The following RBFOX1 variants were observed in gnomAD, a reference collection of about 807,000 sequenced individuals.
RBFOX1 encodes RNA binding protein fox-1 homolog 1.
Under a neutral mutation model 57.7 loss-of-function variants are expected in RBFOX1, and 8 were observed. The observed-to-expected ratio is 0.14, with a 90% CI of 0.08 to 0.25. The LOEUF is 0.25. RBFOX1 is among the 10% of genes least tolerant of loss of function. The pLI, the probability that RBFOX1 is intolerant of heterozygous loss-of-function variation, is 1.00. For missense variants in RBFOX1, 611 were observed against 548.5 expected (o/e 1.11, Z -1.14); for synonymous variants, 326 against 222.4 (o/e 1.47, Z -4.15).
At chr16:6,698,686 C>T (rs1037529389) in intron 3 of RBFOX1, among the ~76,000 whole-genome samples, 2 of 152,158 alleles carry the variant, frequency 1.3e-5, no homozygotes, top group Non-Finnish European at 2.9e-5. Flanking sequence ...TTATTCTATG[C>T]TATTTTCAGC....
chr16:6,096,928 G>A (rs755911976), intron 1 of RBFOX1, among the ~76,000 whole-genome samples: 2 of 152,150 alleles, frequency 1.3e-5, no homozygotes, highest in East Asian at 1.9e-4. Flanking sequence ...TTTTAATGAC[G>A]GCTCACCCCT....
At chr16:7,104,620 A>G (rs554503604) in intron 4 of RBFOX1, among the ~76,000 whole-genome samples, 8 of 152,258 alleles carry the variant, frequency 5.3e-5, no homozygotes, top group Non-Finnish European at 1.2e-4. Context: ...TGATATTGCT[A>G]ACTCCTCAGC....
intron 4 of RBFOX1, among the ~76,000 whole-genome samples, chr16:7,337,067 G>C (rs963563652): frequency 6.6e-6 from 1 of 152,114 alleles, no homozygotes; most frequent in Non-Finnish European, 1.5e-5. Context: ...TGACTCCAAC[G>C]GGTCTTAGGT....
chr16:6,395,087 A>G (rs2092768892), intron 2 of RBFOX1, among the ~76,000 whole-genome samples: 1 of 152,228 alleles, frequency 6.6e-6, no homozygotes, highest in Non-Finnish European at 1.5e-5. Flanking sequence ...ATTATGACTC[A>G]CAAGACTCTG....
chr16:6,302,859 A>G (rs928645261), intron 1 of RBFOX1, among the ~76,000 whole-genome samples: 11 of 152,202 alleles, frequency 7.2e-5, no homozygotes, highest in Non-Finnish European at 1.2e-4. Context: ...GACATTTTTC[A>G]GAATACTAAG....
At chr16:7,410,882 T>G (rs2098417998) in intron 4 of RBFOX1, among the ~76,000 whole-genome samples, 1 of 150,494 alleles carries the variant, frequency 6.6e-6, no homozygotes, top group Non-Finnish European at 1.5e-5. Flanking sequence ...TCACCCTAAT[T>G]GTGGGGAGTA....
chr16:5,272,028 T>A (rs1211690082), intron 1 of RBFOX1, among the ~76,000 whole-genome samples: 3 of 152,216 alleles, frequency 2.0e-5, no homozygotes, highest in Non-Finnish European at 2.9e-5. Context: ...ATTCTATATC[T>A]TGGGTATTGT....
chr16:7,481,616 T>C (rs377147386), intron 4 of RBFOX1, among the ~76,000 whole-genome samples: 8 of 152,208 alleles, frequency 5.3e-5, no homozygotes, highest in African/African-American at 1.4e-4. Context: ...CTACAGCAAA[T>C]AACAATATCT....
intron 4 of RBFOX1, among the ~76,000 whole-genome samples, chr16:7,247,657 A>T (rs1055114805): frequency 7.2e-5 from 11 of 152,236 alleles, no homozygotes; most frequent in Admixed American, 5.9e-4. Context: ...TACATTAGTG[A>T]CTGCTTGTCA....
intron 2 of RBFOX1, among the ~76,000 whole-genome samples, chr16:6,405,563 G>C (rs1005135735): frequency 1.1e-4 from 17 of 152,106 alleles, no homozygotes; most frequent in Admixed American, 1.0e-3. Context: ...GAAACTCCTT[G>C]GTCAGAACTA....
chr16:7,270,341 G>T (rs2095287750), intron 4 of RBFOX1, among the ~76,000 whole-genome samples: 1 of 152,176 alleles, frequency 6.6e-6, no homozygotes, highest in African/African-American at 2.4e-5. Flanking sequence ...AGAATTACTT[G>T]TTATTTCAGA....
At chr16:6,931,410 T>C (rs1345733382) in intron 3 of RBFOX1, among the ~76,000 whole-genome samples, 2 of 152,024 alleles carry the variant, frequency 1.3e-5, no homozygotes, top group African/African-American at 4.8e-5. Context: ...TATGTGTGCA[T>C]GAACCACTAA....
chr16:6,653,104 C>T (rs910489629), intron 2 of RBFOX1, among the ~76,000 whole-genome samples: 1 of 152,124 alleles, frequency 6.6e-6, no homozygotes, highest in Admixed American at 6.5e-5. Flanking sequence ...TCTTCGTTTG[C>T]CTGGGATGTT....
intron 3 of RBFOX1, among the ~76,000 whole-genome samples, chr16:5,621,822 C>T (rs1040135507): frequency 6.6e-6 from 1 of 152,128 alleles, no homozygotes; most frequent in Non-Finnish European, 1.5e-5. Flanking sequence ...AAATGTGTAT[C>T]TATCCAGGTA....
At chr16:5,652,610 A>G (rs1378414510) in intron 3 of RBFOX1, among the ~76,000 whole-genome samples, 1 of 152,148 alleles carries the variant, frequency 6.6e-6, no homozygotes, top group African/African-American at 2.4e-5. Context: ...TCCTCCTCTC[A>G]GCCCCCACCC....
At chr16:5,593,720 C>T (rs906890716) in intron 2 of RBFOX1, among the ~76,000 whole-genome samples, 1 of 152,166 alleles carries the variant, frequency 6.6e-6, no homozygotes, top group East Asian at 1.9e-4. Flanking sequence ...CAAGAAATAA[C>T]CATAAAAATG....
intron 3 of RBFOX1, among the ~76,000 whole-genome samples, chr16:6,710,253 C>G (rs910306174): frequency 6.6e-5 from 10 of 152,150 alleles, no homozygotes; most frequent in African/African-American, 2.4e-4. Context: ...AATTGTTCCT[C>G]TGTAATAGCA....
In RBFOX1 at chr16:5,753,857, G is replaced by GAA. The variant is rs529438194; in HGVS notation, c.319-113436_319-113435dup. On this transcript the variant is annotated intron_variant, in intron 3 of 19. Coordinates refer to the RBFOX1 transcript ENST00000641259. Reference sequence around the variant, plus strand: ...GTGTTGAGGATATAGAGTTTTCATTGAAAAAAAAAAACACAAAAATCAATG... The same window carrying GAA: ...GTGTTGAGGATATAGAGTTTTCATTGAAAAAAAAAAAAACACAAAAATCAATG... 3.5e-3 allele frequency among the ~76,000 whole-genome samples: 497 copies of GAA among 142,214 alleles called. 4 individuals carry two copies. The highest frequency in any genetic ancestry group is 0.012 in the African/African-American group (472 of 38,846). The allele number at this position is 142,214 out of a possible 152,430, so 93.3% of individuals were successfully genotyped here.
At chr16:6,016,212 T>C (rs1220458794), upstream of RBFOX1, among the ~76,000 whole-genome samples, 1 of 152,046 alleles carries the variant, frequency 6.6e-6, no homozygotes, top group African/African-American at 2.4e-5. Flanking sequence ...AGGGTAAAGG[T>C]AAATGGAGGT....
Sources: allele counts gnomAD v4.1 joint callset (sites outside exome capture counted in the v4.1 genomes callset), GRCh38; gene constraint gnomAD v4.1.1; transcripts MANE v1.5; gene names NCBI Gene and HGNC (gene_info 2026-07-23, HGNC 2026-07-21).